Variants in CAPN15 observed in about 807,000 individuals in gnomAD.
CAPN15 encodes calpain-15.
A neutral mutation model predicts 97.9 loss-of-function variants in CAPN15; 53 were observed. That is an observed-to-expected ratio of 0.54 (90% CI 0.43 to 0.68). The LOEUF is 0.68. Ranked by LOEUF, CAPN15 falls within the 30% of genes least tolerant of loss-of-function variation. The pLI is 0.00. For missense variants in CAPN15, 1,592 were observed against 1,589.8 expected (o/e 1.00, Z -0.02); for synonymous variants, 922 against 722.5 (o/e 1.28, Z -4.43).
At position 549,698 on chromosome 16, in the gene CAPN15, C is replaced by T; in HGVS notation, c.1926C>T (p.Gly642=). The change falls in exon 7 of 14, where the codon GGC becomes GGT. Residue 642 remains glycine (G), a synonymous_variant. Coordinates refer to ENST00000219611, the MANE Select transcript of CAPN15 (RefSeq NM_005632.3). ...LHGSYFALQA[G]RAIEGLATLT... ...GCTCCTACTTTGCGCTCCAGGCGGGCCGCGCCATCGAAGGCCTGGCCACGC... is the reference window on the plus strand; with the variant it reads ...GCTCCTACTTTGCGCTCCAGGCGGGTCGCGCCATCGAAGGCCTGGCCACGC... 1 of 1,563,130 alleles carries T rather than the reference C, an allele frequency of 6.4e-7. No homozygotes were observed. The highest frequency in any genetic ancestry group is 8.6e-7 in the Non-Finnish European group (1 of 1,156,570).
chr16:552,037 C>G lies in CAPN15; in HGVS notation c.2346-14C>G. The G allele has an allele frequency of 6.5e-7, 1 of 1,547,156 alleles. No homozygotes were observed. Among genetic ancestry groups the G allele is most frequent in the Non-Finnish European group, 8.7e-7 (1 of 1,146,068 alleles). On this transcript the variant is annotated splice_polypyrimidine_tract_variant and intron_variant, in intron 9 of 13. Coordinates refer to ENST00000219611, the MANE Select transcript of CAPN15 (RefSeq NM_005632.3). This position sits in a 1 kb window ranked among gnomAD's most constrained non-coding sequence, Gnocchi z 6.4. ...CGTGGTAGGCTCAGGGCCCCGTCCTCCCGCCACCTGCAGGTACTTCGACTC... is the reference window on the plus strand; with the variant it reads ...CGTGGTAGGCTCAGGGCCCCGTCCTGCCGCCACCTGCAGGTACTTCGACTC...
chr16:543,411 G>C (rs1459085316), intron 3 of CAPN15: 1 of 152,964 alleles, frequency 6.5e-6, no homozygotes, highest in Non-Finnish European at 1.5e-5. Flanking sequence ...GGGCAGGCGT[G>C]GGGTCTGCTG....
At position 547,574 on chromosome 16, in the gene CAPN15, C is replaced by A; in HGVS notation, c.736C>A (p.Arg246Ser). 1 of 1,584,442 alleles carries A rather than the reference C, an allele frequency of 6.3e-7. No individual in the cohort carries two copies. Among genetic ancestry groups the A allele is most frequent in the Non-Finnish European group, 8.6e-7 (1 of 1,169,148 alleles). ...CACCCTGCAGAACAACCCCGTGCCGCGCAGCCGACGCGAGGTTCCCCCCCA... is the reference window on the plus strand; with the variant it reads ...CACCCTGCAGAACAACCCCGTGCCGAGCAGCCGACGCGAGGTTCCCCCCCA... The part of the protein sequence containing the change: ...SSTLQNNPVP[R>S]SRREVPPQLQ... Residue 246 changes from arginine (R) to serine (S), a missense_variant, in exon 4 of 14, where the codon CGC becomes AGC. Physicochemically the swap from Arg to Ser is moderately radical, Grantham distance 110 (BLOSUM62 -1). Coordinates refer to ENST00000219611, the MANE Select transcript of CAPN15 (RefSeq NM_005632.3).
chr16:529,835 C>T (rs184814925), intron 1 of CAPN15, among the ~76,000 whole-genome samples: 3 of 152,312 alleles, frequency 2.0e-5, no homozygotes, highest in African/African-American at 7.2e-5. Flanking sequence ...CGGCCCTGGA[C>T]CGTGAGGCTG....
At position 547,888 on chromosome 16, in the gene CAPN15, G is replaced by A. The variant is rs1042271265; in HGVS notation, c.1050G>A (p.Thr350=). ...DFTTWSCAKC[T]LRNPTVAPRC... is the part of the protein sequence containing the mutation. ...CCACCTGGTCATGTGCCAAGTGCAC[G>A]CTCAGAAACCCCACAGTGGCCCCCA... is the stretch of plus-strand genomic sequence containing the variant. Residue 350 remains threonine, a synonymous_variant, in exon 4 of 14, where the codon ACG becomes ACA. Coordinates refer to ENST00000219611, the MANE Select transcript of CAPN15 (RefSeq NM_005632.3). 1.4e-5 allele frequency: 23 copies of A among 1,611,170 alleles called. No individual in the cohort carries two copies. The highest frequency in any genetic ancestry group is 3.3e-5 in the South Asian group (3 of 90,792).
At chr16:536,676 G>A (rs1205145323) in intron 3 of CAPN15, among the ~76,000 whole-genome samples, 4 of 152,058 alleles carry the variant, frequency 2.6e-5, no homozygotes, top group Admixed American at 6.6e-5. Context: ...CACCCACCTC[G>A]GCCTCCCACA....
chr16:543,050 C>G (rs2034257281), intron 3 of CAPN15, among the ~76,000 whole-genome samples: 1 of 151,812 alleles, frequency 6.6e-6, no homozygotes, highest in Non-Finnish European at 1.5e-5. Flanking sequence ...GACTCTGTCT[C>G]AAAATAAAAA....
intron 3 of CAPN15, chr16:537,205 C>T (rs1380140787): frequency 2.0e-6 from 2 of 985,294 alleles, no homozygotes; most frequent in East Asian, 1.1e-4. Flanking sequence ...ACAGGCCTCC[C>T]TCCTGTCCAG....
At chr16:542,756 T>TAA (rs111927356) in intron 3 of CAPN15, among the ~76,000 whole-genome samples, 2,778 of 151,056 alleles carry the variant, frequency 0.018, 101 homozygotes, top group African/African-American at 0.063. Context: ...GCTGGTTAAT[T>TAA]AGAAAAAAAA....
intron 1 of CAPN15, among the ~76,000 whole-genome samples, chr16:533,081 C>T (rs1295211201): frequency 1.3e-5 from 2 of 151,942 alleles, no homozygotes; most frequent in Admixed American, 6.6e-5. Context: ...ATTAGCTGGG[C>T]ACGGTGGCGG....
intron 3 of CAPN15, among the ~76,000 whole-genome samples, chr16:546,451 C>T (rs536046398): frequency 2.0e-5 from 3 of 152,082 alleles, no homozygotes; most frequent in East Asian, 1.9e-4. Flanking sequence ...TGTTCTTCCA[C>T]GCCCAGGACG....
In CAPN15 at chr16:540,377, A is replaced by G. The variant is rs1174912239; in HGVS notation, c.-23+4235A>G. The G allele has an allele frequency of 3.0e-6, 3 of 984,582 alleles. No homozygotes were observed. In the East Asian group the frequency reaches 3.4e-4, roughly 112 times the overall value. 61.0% of individuals were successfully genotyped at this position (984,582 alleles called of 1,614,324 possible). A position where few individuals can be genotyped will look rare whatever the true frequency, so the allele number is the denominator to read the frequency against. Reference sequence around the variant, plus strand: ...CCACGGCCCCGGGCCCGAAGGTAAGAGGTGGGGAGGGGTGGCCCCGGAGGG... The same window carrying G: ...CCACGGCCCCGGGCCCGAAGGTAAGGGGTGGGGAGGGGTGGCCCCGGAGGG... On this transcript the variant is annotated intron_variant, in intron 3 of 13. Transcript: ENST00000219611.
chr16:552,807 A>T lies in CAPN15; in HGVS notation c.2904+36A>T. 1.2e-6 allele frequency: 1 copy of T among 807,042 alleles called. No individual in the cohort carries two copies. The highest frequency in any genetic ancestry group is 1.5e-5 in the South Asian group (1 of 67,356). The allele number at this position is 807,042 out of a possible 1,614,324, so 50.0% of individuals were successfully genotyped here. A position where few individuals can be genotyped will look rare whatever the true frequency, so the allele number is the denominator to read the frequency against. ...GTCCCGGGGGAGGGTGGCGTGGGGC[A>T]GGGGGAGTATGCCCCAGCACCTCCC... On this transcript the variant is annotated intron_variant, in intron 12 of 13. Coordinates refer to ENST00000219611, the MANE Select transcript of CAPN15 (RefSeq NM_005632.3). The surrounding 1 kb of genome is among the most constrained non-coding windows in gnomAD (Gnocchi z 6.4).
rs548606877 is a variant in CAPN15, at chr16:541,653, C to T, written c.-22-5164C>T. ...CTGTTAAAAGAGTGCAGTTTGGTCA[C>T]TCTTAGTGGTTTGTAGAGTTGTGCA... On this transcript the variant is annotated intron_variant, in intron 3 of 13. Coordinates refer to ENST00000219611, the MANE Select transcript of CAPN15 (RefSeq NM_005632.3). Among the ~76,000 whole-genome samples the T allele has an allele frequency of 1.4e-4, 22 of 152,354 alleles. No homozygotes were observed. In the East Asian group the frequency reaches 3.9e-3, roughly 27 times the overall value.
At chr16:534,852 C>T (rs1331686155) in intron 2 of CAPN15, among the ~76,000 whole-genome samples, 5 of 152,192 alleles carry the variant, frequency 3.3e-5, no homozygotes, top group Admixed American at 2.6e-4. Flanking sequence ...TTGTTGGGGT[C>T]GCTGTGGTTC....
At chr16:531,227 G>T (rs187263179) in intron 1 of CAPN15, among the ~76,000 whole-genome samples, 62 of 152,194 alleles carry the variant, frequency 4.1e-4, no homozygotes, top group African/African-American at 1.4e-3. Context: ...TTGAGCCAGG[G>T]TCGTGCTCTG....
At chr16:530,201 C>T (rs1475123750) in intron 1 of CAPN15, among the ~76,000 whole-genome samples, 1 of 152,230 alleles carries the variant, frequency 6.6e-6, no homozygotes, top group Non-Finnish European at 1.5e-5. Flanking sequence ...CCCTGGCTCC[C>T]CACTGTGGGA....
Position 552,536 on chromosome 16 carries a change from TG to T in CAPN15, c.2737+8del. 6.3e-7 allele frequency: 1 copy of T among 1,593,956 alleles called. No individual in the cohort carries two copies. The highest frequency in any genetic ancestry group is 1.1e-5 in the South Asian group (1 of 90,010). On this transcript the variant is annotated splice_region_variant and intron_variant, in intron 11 of 13. Transcript: ENST00000219611. The surrounding 1 kb of genome is among the most constrained non-coding windows in gnomAD (Gnocchi z 6.4). Reference sequence around the variant, plus strand: ...GGGCACCCCTGCCCCCCAGGGTACGTGGCCCCTACCCCAGGCTCATGCCCCA... The same window carrying T: ...GGGCACCCCTGCCCCCCAGGGTACGTGCCCCTACCCCAGGCTCATGCCCCA...
At chr16:541,491 A>AG (rs2034113969) in intron 3 of CAPN15, among the ~76,000 whole-genome samples, 1 of 151,746 alleles carries the variant, frequency 6.6e-6, no homozygotes, top group African/African-American at 2.4e-5. Flanking sequence ...CGGCAGAGGA[A>AG]GGGTCTGTGC....
Sources: gnomAD v4.1 joint callset for allele counts (sites outside exome capture counted in the v4.1 genomes callset) on GRCh38, gnomAD v4.1.1 for gene constraint, Gnocchi (gnomAD v3.1) non-coding constraint, MANE v1.5 for transcripts, NCBI Gene and HGNC (gene_info 2026-07-23, HGNC 2026-07-21) for gene names.